Variants in PCSK5 observed in about 807,000 individuals in gnomAD.
The protein encoded by PCSK5 is proprotein convertase subtilisin/kexin type 5.
A neutral mutation model predicts 233.2 loss-of-function variants in PCSK5; 129 were observed. The ratio of observed to expected loss-of-function variants is 0.55; its 90% CI spans 0.48 to 0.64. The LOEUF (loss-of-function observed/expected upper bound fraction) is 0.64, where lower values mean the gene tolerates loss of function less well. Ranked by LOEUF, PCSK5 falls within the 30% of genes least tolerant of loss-of-function variation. The pLI is 0.00. For missense variants in PCSK5, 2,076 were observed against 2,430.1 expected (o/e 0.85, Z 3.06); for synonymous variants, 825 against 879.2 (o/e 0.94, Z 1.09).
chr9:75,946,911 C>A (rs1347468306), intron 2 of PCSK5, among the ~76,000 whole-genome samples: 4 of 152,280 alleles, frequency 2.6e-5, no homozygotes, highest in South Asian at 2.1e-4. Context: ...TTTCTTAGCA[C>A]TTTGAGCTCT....
At chr9:76,156,999 G>T in intron 10 of PCSK5, 46 bp from the exon 11 acceptor site, 2 of 1,307,890 alleles carry the variant, frequency 1.5e-6, no homozygotes, top group South Asian at 2.4e-5. Context: ...GTTATAATTT[G>T]ACCTATGTAG....
intron 33 of PCSK5, among the ~76,000 whole-genome samples, chr9:76,331,511 C>CA (rs1156734158): frequency 6.6e-6 from 1 of 151,890 alleles, no homozygotes; most frequent in African/African-American, 2.4e-5. Flanking sequence ...ACTAAAAATA[C>CA]AAAAAATTAG....
intron 5 of PCSK5, among the ~76,000 whole-genome samples, chr9:76,031,686 C>G (rs1828658449): frequency 6.6e-6 from 1 of 152,022 alleles, no homozygotes; most frequent in Admixed American, 6.6e-5. Flanking sequence ...GAGACCCTGT[C>G]TCAAAAAATA....
chr9:75,939,168 G>A (rs932521485), intron 2 of PCSK5, among the ~76,000 whole-genome samples: 13 of 152,170 alleles, frequency 8.5e-5, no homozygotes, highest in Non-Finnish European at 1.9e-4. Context: ...TGAGCCCAGA[G>A]AACAAGAATA....
At chr9:76,109,891 A>T (rs985820125) in intron 9 of PCSK5, among the ~76,000 whole-genome samples, 2 of 152,264 alleles carry the variant, frequency 1.3e-5, no homozygotes, top group Non-Finnish European at 2.9e-5. Context: ...ATCAATAAGC[A>T]TCGGGCCTCC....
intron 37 of PCSK5, among the ~76,000 whole-genome samples, chr9:76,355,970 C>G (rs1244694065): frequency 6.6e-6 from 1 of 152,174 alleles, no homozygotes; most frequent in Non-Finnish European, 1.5e-5. Context: ...TCCCAAAGTG[C>G]TGAGATTATA....
At chr9:76,351,657 G>GAGAAAGAA (rs1205485720) in intron 36 of PCSK5, among the ~76,000 whole-genome samples, 2 of 97,888 alleles carry the variant, frequency 2.0e-5, no homozygotes, top group African/African-American at 2.8e-5. Context: ...GAAAGAGAGA[G>GAGAAAGAA]AGAAAGAAAG....
intron 23 of PCSK5, 60 bp downstream of exon 23, chr9:76,239,225 G>A: frequency 7.3e-7 from 1 of 1,375,274 alleles, no homozygotes; most frequent in Non-Finnish European, 1.0e-6. Context: ...GCTGCACCCT[G>A]GATGTCCTGG....
intron 21 of PCSK5, among the ~76,000 whole-genome samples, chr9:76,231,453 T>C (rs1826076518): frequency 6.6e-6 from 1 of 152,204 alleles, no homozygotes; most frequent in African/African-American, 2.4e-5. Context: ...AAAATGATGA[T>C]GTACTTCACA....
At chr9:76,206,835 T>TA (rs1455576892) in intron 20 of PCSK5, among the ~76,000 whole-genome samples, 4 of 152,190 alleles carry the variant, frequency 2.6e-5, no homozygotes, top group Non-Finnish European at 1.5e-5. Context: ...ATGGCTGCTC[T>TA]AACAGATAAC....
At chr9:76,218,780 G>T (rs2131297424) in intron 20 of PCSK5, among the ~76,000 whole-genome samples, 1 of 149,952 alleles carries the variant, frequency 6.7e-6, no homozygotes, top group East Asian at 1.9e-4. Context: ...CCCAGGACGG[G>T]ATGACTCCAA....
intron 24 of PCSK5, among the ~76,000 whole-genome samples, chr9:76,246,765 C>T (rs61153189): frequency 0.014 from 2,082 of 152,268 alleles, 47 homozygotes; most frequent in African/African-American, 0.048. Context: ...AAAGACGATC[C>T]GTATGAACTG....
chr9:76,204,978 G>A (rs1179802284), intron 20 of PCSK5, among the ~76,000 whole-genome samples: 1 of 152,122 alleles, frequency 6.6e-6, no homozygotes, highest in Non-Finnish European at 1.5e-5. Flanking sequence ...CTGAGCACAG[G>A]AGGAGAAATC....
intron 35 of PCSK5, among the ~76,000 whole-genome samples, chr9:76,349,369 C>G (rs1018119791): frequency 6.6e-6 from 1 of 151,554 alleles, no homozygotes; most frequent in Non-Finnish European, 1.5e-5. Flanking sequence ...CCATCAGAGA[C>G]CACAATAACG....
At chr9:76,191,620 T>C (rs1824381494) in intron 20 of PCSK5, among the ~76,000 whole-genome samples, 1 of 152,188 alleles carries the variant, frequency 6.6e-6, no homozygotes, top group Non-Finnish European at 1.5e-5. Flanking sequence ...TTTTCCAGTA[T>C]GTGATTGGTC....
chr9:76,272,667 C>T (rs769212986), intron 24 of PCSK5, among the ~76,000 whole-genome samples: 24 of 145,516 alleles, frequency 1.6e-4, no homozygotes, highest in African/African-American at 2.3e-4. Flanking sequence ...CCTAGCTACT[C>T]GGGAGGCTGA....
intron 30 of PCSK5, among the ~76,000 whole-genome samples, chr9:76,320,728 C>T (rs1384629584): frequency 6.6e-6 from 1 of 151,858 alleles, no homozygotes; most frequent in Non-Finnish European, 1.5e-5. Context: ...CCCACCTCAG[C>T]CTCCCAGAGT....
intron 9 of PCSK5, among the ~76,000 whole-genome samples, chr9:76,115,035 A>G (rs1376159850): frequency 2.6e-5 from 4 of 152,078 alleles, no homozygotes; most frequent in Admixed American, 1.3e-4. Flanking sequence ...AATGAATTAC[A>G]TATGTGCCTT....
chr9:76,051,373 C>G (rs1034852617), intron 5 of PCSK5, among the ~76,000 whole-genome samples: 1 of 152,048 alleles, frequency 6.6e-6, no homozygotes. Flanking sequence ...ATGCCCCAGG[C>G]CCCAGAAATG....
Sources: allele counts gnomAD v4.1 joint callset (sites outside exome capture counted in the v4.1 genomes callset), GRCh38; gene constraint gnomAD v4.1.1; transcripts MANE v1.5; gene names NCBI Gene and HGNC (gene_info 2026-07-23, HGNC 2026-07-21).